The following NRG1 variants were observed in gnomAD, a reference collection of about 807,000 sequenced individuals.
NRG1 encodes neuregulin 1, also known as pro-neuregulin-1, membrane-bound isoform.
In NRG1, 18 loss-of-function variants were observed where a neutral mutation model predicts 63.8. The ratio of observed to expected loss-of-function variants is 0.28; its 90% confidence interval spans 0.19 to 0.42. The LOEUF is 0.42. Ranked by LOEUF, NRG1 falls within the 10% of genes least tolerant of loss-of-function variation. The pLI is 1.00. For missense variants in NRG1, 762 were observed against 814.7 expected (o/e 0.94, Z 0.79); for synonymous variants, 302 against 301.3 (o/e 1.00, Z -0.02).
intron 1 of NRG1, among the ~76,000 whole-genome samples, chr8:31,671,799 A>G (rs187822574): frequency 8.4e-4 from 128 of 152,248 alleles, no homozygotes; most frequent in Middle Eastern, 3.4e-3. Context: ...GGAGAAAATC[A>G]ATGTCAGTAG....
chr8:31,804,428 A>G (rs1013230947), intron 1 of NRG1, among the ~76,000 whole-genome samples: 6 of 152,078 alleles, frequency 3.9e-5, no homozygotes, highest in Non-Finnish European at 1.5e-5. Flanking sequence ...TTTTCTGTCC[A>G]TCTCTAAACA....
intron 1 of NRG1, among the ~76,000 whole-genome samples, chr8:32,312,683 C>T (rs1294298057): frequency 6.6e-6 from 1 of 152,022 alleles, no homozygotes; most frequent in Non-Finnish European, 1.5e-5. Flanking sequence ...GCTAAGGGTG[C>T]TTTTCTTCCA....
At chr8:31,822,343 A>G (rs1275761257) in intron 1 of NRG1, among the ~76,000 whole-genome samples, 2 of 152,078 alleles carry the variant, frequency 1.3e-5, no homozygotes, top group Non-Finnish European at 2.9e-5. Context: ...ATAACCAACC[A>G]GTTTCATTTT....
At chr8:32,328,585 T>C (rs1802283101) in intron 1 of NRG1, among the ~76,000 whole-genome samples, 2 of 152,104 alleles carry the variant, frequency 1.3e-5, no homozygotes, top group South Asian at 4.1e-4. Flanking sequence ...AAATCCCACC[T>C]CTCTGGGGAG....
intron 1 of NRG1, among the ~76,000 whole-genome samples, chr8:32,566,634 T>C (rs1041018221): frequency 5.3e-5 from 8 of 152,198 alleles, no homozygotes; most frequent in African/African-American, 1.9e-4. Context: ...ATCTTTTTTG[T>C]CAAATTCTTT....
At chr8:32,034,495 A>G (rs538983665) in intron 1 of NRG1, among the ~76,000 whole-genome samples, 15 of 152,052 alleles carry the variant, frequency 9.9e-5, no homozygotes, top group East Asian at 9.7e-4. Flanking sequence ...CCCTCTTTCA[A>G]TTGTTTGGAA....
At chr8:32,559,881 G>A (rs1836037887) in intron 1 of NRG1, among the ~76,000 whole-genome samples, 1 of 151,652 alleles carries the variant, frequency 6.6e-6, no homozygotes, top group Non-Finnish European at 1.5e-5. Context: ...CATTAGCCAG[G>A]CATGGTGGGA....
At position 32,034,933 on chromosome 8, in the gene NRG1, G is replaced by A. The variant is rs557707187; in HGVS notation, c.37+395502G>A. On this transcript the variant is annotated intron_variant, in intron 1 of 10. Transcript: ENST00000519301. ...TTGACTATTTTTAAAGGTTTTTTGTGTCTTTATTGCCTTCAGTTCTGCTCT... is the reference window on the plus strand; with the variant it reads ...TTGACTATTTTTAAAGGTTTTTTGTATCTTTATTGCCTTCAGTTCTGCTCT... Among the ~76,000 whole-genome samples the A allele has an allele frequency of 8.6e-5, 13 of 150,506 alleles. No individual in the cohort carries two copies. The South Asian group carries it at 2.1e-3, about 24-fold the overall frequency.
intron 1 of NRG1, among the ~76,000 whole-genome samples, chr8:32,486,627 A>ATATTTTTTTTTTT (rs33927678): frequency 4.8e-5 from 7 of 145,560 alleles, no homozygotes; most frequent in African/African-American, 1.8e-4. Flanking sequence ...GAATTGCTGG[A>ATATTTTTTTTTTT]TTTTTTTTTT....
intron 1 of NRG1, among the ~76,000 whole-genome samples, chr8:32,408,753 T>C (rs1257997657): frequency 6.6e-6 from 1 of 152,120 alleles, no homozygotes; most frequent in African/African-American, 2.4e-5. Flanking sequence ...GTTTTTCTGT[T>C]TTTAAATTTC....
At chr8:32,464,409 A>C (rs972345127) in intron 1 of NRG1, among the ~76,000 whole-genome samples, 1 of 151,256 alleles carries the variant, frequency 6.6e-6, no homozygotes, top group Admixed American at 6.6e-5. Context: ...CCAATCCAGC[A>C]CTCTTCCACA....
chr8:31,670,400 A>G (rs1807007160), intron 1 of NRG1, among the ~76,000 whole-genome samples: 1 of 152,166 alleles, frequency 6.6e-6, no homozygotes, highest in Admixed American at 6.5e-5. Context: ...TATCCTTTCA[A>G]TCAAAGATCA....
chr8:32,280,679 G>GTTTTTTTTTTTTTTTTTTTTTTTTTTTT (rs1563264763), intron 1 of NRG1, among the ~76,000 whole-genome samples: 1 of 95,108 alleles, frequency 1.1e-5, no homozygotes, highest in Non-Finnish European at 2.0e-5. Flanking sequence ...AACTGAATTA[G>GTTTTTTTTTTTTTTTTTTTTTTTTTTTT]GTTTTTTTTT....
intron 1 of NRG1, among the ~76,000 whole-genome samples, chr8:32,355,600 TAAAC>T (rs932079645): frequency 5.9e-5 from 9 of 151,390 alleles, no homozygotes; most frequent in African/African-American, 2.2e-4. Context: ...GCAAATCATA[TAAAC>T]AAGTGTTTTA....
chr8:32,035,763 G>A (rs1366355065), intron 1 of NRG1, among the ~76,000 whole-genome samples: 2 of 152,048 alleles, frequency 1.3e-5, no homozygotes, highest in Non-Finnish European at 2.9e-5. Context: ...TTCAACCCCT[G>A]CTTTTTTCTG....
intron 1 of NRG1, among the ~76,000 whole-genome samples, chr8:32,218,903 C>T (rs531922978): frequency 5.8e-4 from 89 of 152,264 alleles, no homozygotes; most frequent in African/African-American, 2.0e-3. Flanking sequence ...TACTCACAGT[C>T]AGGATGCATG....
chr8:32,748,120 G>A (rs1423068135), intron 7 of NRG1, among the ~76,000 whole-genome samples: 1 of 151,982 alleles, frequency 6.6e-6, no homozygotes. Flanking sequence ...TCTATATGAG[G>A]TACTTTTTCC....
chr8:31,817,106 A>G (rs889743479), intron 1 of NRG1, among the ~76,000 whole-genome samples: 1 of 152,218 alleles, frequency 6.6e-6, no homozygotes, highest in Non-Finnish European at 1.5e-5. Context: ...TAAAGTCTCT[A>G]CCAAAGCTGA....
chr8:32,317,741 T>C (rs1800930007), intron 1 of NRG1, among the ~76,000 whole-genome samples: 1 of 152,186 alleles, frequency 6.6e-6, no homozygotes, highest in Non-Finnish European at 1.5e-5. Context: ...CCCACCCTAA[T>C]TGTGCTCTTT....
Sources: gnomAD v4.1 joint callset for allele counts (sites outside exome capture counted in the v4.1 genomes callset) on GRCh38, gnomAD v4.1.1 for gene constraint, MANE v1.5 for transcripts, NCBI Gene and HGNC (gene_info 2026-07-23, HGNC 2026-07-21) for gene names.